RB1: variants seen among roughly 807,000 people sequenced by gnomAD.
RB1 encodes RB transcriptional corepressor 1, also known as retinoblastoma-associated protein.
Under a neutral mutation model 135.4 loss-of-function variants are expected in RB1, and 18 were observed. The observed-to-expected ratio is 0.13, with a 90% confidence interval of 0.09 to 0.20. RB1 has a LOEUF of 0.20. Ranked by LOEUF, RB1 falls within the 10% of genes least tolerant of loss-of-function variation. The pLI, the probability that RB1 is intolerant of heterozygous loss-of-function variation, is 1.00. For synonymous variants in RB1, 365 were observed against 373.2 expected (o/e 0.98, Z 0.25); for missense variants, 868 against 1,110.0 (o/e 0.78, Z 3.10).
intron 17 of RB1, among the ~76,000 whole-genome samples, chr13:48,383,923 A>T (rs956654050): frequency 6.6e-6 from 1 of 152,132 alleles, no homozygotes. Context: ...TTTTATTTCT[A>T]TCAACACATA....
intron 20 of RB1, among the ~76,000 whole-genome samples, chr13:48,460,281 T>G (rs1304428856): frequency 3.3e-5 from 5 of 152,074 alleles, no homozygotes; most frequent in Non-Finnish European, 7.4e-5. Flanking sequence ...TGTTAAGTGA[T>G]TTCTAAAGAA....
chr13:48,319,105 C>T lies in RB1; in HGVS notation c.264+11699C>T, dbSNP rs540686244. The T allele has an allele frequency of 9.8e-6, 6 of 611,780 alleles. No individual in the cohort carries two copies. Among genetic ancestry groups the T allele is most frequent in the South Asian group, 9.2e-5 (6 of 65,542 alleles). 37.9% of individuals were successfully genotyped at this position (611,780 alleles called of 1,614,324 possible). ...GTTCTACAAACTCGTTCCTGGAAGC[C>T]GGGCTCGCTGGAGGCGGAGCTTTGG... On this transcript the variant is annotated intron_variant, in intron 2 of 26. Transcript: ENST00000267163. The surrounding 1 kb of genome is among the most constrained non-coding windows in gnomAD (Gnocchi z 5.0).
chr13:48,373,592 A>G (rs1348689984), intron 12 of RB1, 100 bp downstream of exon 12: 4 of 746,208 alleles, frequency 5.4e-6, no homozygotes, highest in African/African-American at 1.7e-5. Flanking sequence ...CTAATCTCCT[A>G]TCTAACATGT....
chr13:48,375,083 T>G (rs187986531), intron 12 of RB1, among the ~76,000 whole-genome samples: 10 of 152,294 alleles, frequency 6.6e-5, no homozygotes, highest in Admixed American at 3.9e-4. Flanking sequence ...CCATAGTGTA[T>G]AAGTACCACA....
intron 17 of RB1, among the ~76,000 whole-genome samples, chr13:48,420,902 A>T (rs995106458): frequency 6.6e-6 from 1 of 152,216 alleles, no homozygotes; most frequent in Non-Finnish European, 1.5e-5. Flanking sequence ...AAACAAATGG[A>T]AGAACATTCC....
At chr13:48,359,875 CA>C (rs1296606820) in intron 6 of RB1, 141 bp from the exon 7 acceptor site, 46 of 1,109,934 alleles carry the variant, frequency 4.1e-5, no homozygotes, top group East Asian at 6.5e-5. Flanking sequence ...TTTTTTTTTA[CA>C]AAAAAAAGAA....
chr13:48,401,288 G>T (rs1054566728), intron 17 of RB1: 2 of 152,080 alleles, frequency 1.3e-5, no homozygotes, highest in Non-Finnish European at 2.9e-5. Flanking sequence ...TTTTCAGTTT[G>T]TAAACTTACA....
chr13:48,371,772 T>G (rs1952760852), intron 11 of RB1, among the ~76,000 whole-genome samples: 1 of 151,850 alleles, frequency 6.6e-6, no homozygotes, highest in Non-Finnish European at 1.5e-5. Flanking sequence ...AGACAGAAAT[T>G]GTTAGGTTCT....
intron 2 of RB1, chr13:48,328,227 A>G: frequency 6.9e-7 from 1 of 1,444,950 alleles, no homozygotes; most frequent in Middle Eastern, 1.7e-4. Context: ...CTTCATCCTC[A>G]TCTTTGCTTC....
At chr13:48,320,349 C>T (rs780719962) in intron 2 of RB1, 12 of 1,257,304 alleles carry the variant, frequency 9.5e-6, no homozygotes, top group Non-Finnish European at 1.1e-5. Flanking sequence ...GGGCGCTCAC[C>T]GACACGCTCT....
chr13:48,402,326 C>G (rs959512682), intron 17 of RB1, among the ~76,000 whole-genome samples: 9 of 146,768 alleles, frequency 6.1e-5, no homozygotes, highest in African/African-American at 2.2e-4. Flanking sequence ...CAATGAAGAA[C>G]AAATGGCCTG....
chr13:48,474,925 G>A (rs574422362), intron 24 of RB1, among the ~76,000 whole-genome samples: 2 of 152,024 alleles, frequency 1.3e-5, no homozygotes, highest in Non-Finnish European at 2.9e-5. Flanking sequence ...TTTAGAGACA[G>A]TGTCTCACTC....
chr13:48,354,488 T>C (rs1300819967), intron 6 of RB1, among the ~76,000 whole-genome samples: 1 of 152,108 alleles, frequency 6.6e-6, no homozygotes, highest in East Asian at 1.9e-4. Flanking sequence ...AGAATTAATA[T>C]TGTTAAAATG....
At chr13:48,342,228 G>GT (rs1466221862) in intron 2 of RB1, among the ~76,000 whole-genome samples, 1 of 151,674 alleles carries the variant, frequency 6.6e-6, no homozygotes. Context: ...ACGTGGGCTT[G>GT]TTTTTTTCAA....
chr13:48,339,471 C>A (rs1442540157), intron 2 of RB1, among the ~76,000 whole-genome samples: 1 of 152,220 alleles, frequency 6.6e-6, no homozygotes, highest in Non-Finnish European at 1.5e-5. Context: ...ACCCTCCGAG[C>A]CAGGCACAGG....
At chr13:48,412,997 T>G (rs1291273791) in intron 17 of RB1, 2 of 168,922 alleles carry the variant, frequency 1.2e-5, no homozygotes, top group East Asian at 1.9e-4. Context: ...GATCCCAGAT[T>G]GTGGGTAAGC....
chr13:48,339,850 C>T (rs780271544), intron 2 of RB1, among the ~76,000 whole-genome samples: 13 of 152,108 alleles, frequency 8.5e-5, no homozygotes, highest in Non-Finnish European at 1.6e-4. Context: ...GAAGTGAATC[C>T]AATGACTTTT....
intron 17 of RB1, chr13:48,401,219 T>C (rs1041956667): frequency 1.5e-4 from 23 of 152,298 alleles, no homozygotes; most frequent in African/African-American, 5.3e-4. Context: ...TATACTCTTA[T>C]TCAGAGAATT....
Position 48,420,359 on chromosome 13 carries a change from A to G in RB1, c.1696-32634A>G, listed in dbSNP as rs1474489734. Among the ~76,000 whole-genome samples the G allele has an allele frequency of 2.6e-5, 4 of 152,252 alleles. No individual in the cohort carries two copies. In the East Asian group the frequency reaches 7.7e-4, roughly 29 times the overall value. ...CACTGCTTCATGCTAAAAACTCTCA[A>G]TAAACTTCATATTGATGGAATGTAT... is the stretch of plus-strand genomic sequence containing the variant. On this transcript the variant is annotated intron_variant, in intron 17 of 26. Transcript: ENST00000267163.
Sources: allele counts gnomAD v4.1 joint callset (sites outside exome capture counted in the v4.1 genomes callset), GRCh38; gene constraint gnomAD v4.1.1; non-coding constraint Gnocchi (gnomAD v3.1); transcripts MANE v1.5; gene names NCBI Gene and HGNC (gene_info 2026-07-23, HGNC 2026-07-21).